The following ZBTB7C variants were observed in gnomAD, a reference collection of about 807,000 sequenced individuals.
ZBTB7C encodes zinc finger and BTB domain containing 7C, also known as zinc finger and BTB domain-containing protein 7C.
A neutral mutation model predicts 25.7 loss-of-function variants in ZBTB7C; 8 were observed. That is an observed-to-expected ratio of 0.31 (90% CI 0.18 to 0.56). ZBTB7C has a LOEUF of 0.56. Ranked by LOEUF, ZBTB7C falls within the 20% of genes least tolerant of loss-of-function variation. The pLI, the probability that ZBTB7C is intolerant of heterozygous loss-of-function variation, is 0.91. For synonymous variants in ZBTB7C, 394 were observed against 369.0 expected, an observed-to-expected ratio of 1.07 and a Z score of -0.78; for missense variants, 824 against 855.2, an observed-to-expected ratio of 0.96 and a Z score of 0.46.
chr18:48,361,211 A>G (rs986991953), intron 1 of ZBTB7C, among the ~76,000 whole-genome samples: 2 of 152,178 alleles, frequency 1.3e-5, no homozygotes, highest in Admixed American at 6.5e-5. Context: ...AGAATACAGA[A>G]CACAACCGCT....
At chr18:48,306,755 T>C (rs2045684289) in intron 2 of ZBTB7C, among the ~76,000 whole-genome samples, 1 of 152,136 alleles carries the variant, frequency 6.6e-6, no homozygotes, top group East Asian at 1.9e-4. Flanking sequence ...TATCCCTCCC[T>C]AGAACGATGC....
Position 48,029,746 on chromosome 18 carries a change from C to T in ZBTB7C, c.1374G>A (p.Thr458=), listed in dbSNP as rs780087545. 1.9e-6 allele frequency: 3 copies of T among 1,607,678 alleles called. No individual in the cohort carries two copies. Among genetic ancestry groups the T allele is most frequent in the East Asian group, 2.2e-5 (1 of 44,874 alleles). Residue 458 remains threonine, a synonymous_variant, in exon 5 of 5, where the codon ACG becomes ACA. Transcript: ENST00000590800. ...TGTGGCGGTGCAGGTGGTCAGAGCG[C>T]GTGAAGCTCTTGTAGCAGAACTCGC... ...YQCEFCYKSF[T]RSDHLHRHIK...
At chr18:48,225,526 T>C (rs2043066252) in intron 2 of ZBTB7C, among the ~76,000 whole-genome samples, 1 of 152,168 alleles carries the variant, frequency 6.6e-6, no homozygotes, top group Admixed American at 6.5e-5. Context: ...ATTCCTTCCA[T>C]CCATATACAC....
intron 1 of ZBTB7C, among the ~76,000 whole-genome samples, chr18:48,388,899 T>A (rs1044751475): frequency 1.3e-5 from 2 of 152,324 alleles, no homozygotes; most frequent in Admixed American, 1.3e-4. Context: ...GACAAAAAGA[T>A]TCCTTAGAAG....
At chr18:48,359,350 A>AG (rs879295054) in intron 1 of ZBTB7C, among the ~76,000 whole-genome samples, 16,917 of 152,184 alleles carry the variant, frequency 0.11, 1,068 homozygotes, top group Non-Finnish European at 0.14. Flanking sequence ...TATGAAGATG[A>AG]TCAAAACATG....
rs983289467 is a variant in ZBTB7C, at chr18:48,309,550, G to A, written c.-79+28624C>T. Among the ~76,000 whole-genome samples the A allele has an allele frequency of 7.9e-5, 12 of 152,180 alleles. No homozygotes were observed. In the East Asian group the frequency reaches 1.5e-3, roughly 20 times the overall value. The stretch of plus-strand genomic sequence containing the variant: ...AGGCTGTCACATGAGCATCTCATTC[G>A]TGAGGGAATTTCACAGACCTATACG... On this transcript the variant is annotated intron_variant, in intron 2 of 4. Coordinates refer to ENST00000590800, the MANE Select transcript of ZBTB7C (RefSeq NM_001318841.2).
intron 3 of ZBTB7C, chr18:48,148,803 C>T (rs959463151): frequency 4.6e-5 from 7 of 152,162 alleles, no homozygotes; most frequent in Non-Finnish European, 8.8e-5. Context: ...TCTTGCTGCA[C>T]TTATGTAAGT....
intron 1 of ZBTB7C, among the ~76,000 whole-genome samples, chr18:48,355,696 G>T (rs1332251558): frequency 6.6e-6 from 1 of 152,206 alleles, no homozygotes; most frequent in Non-Finnish European, 1.5e-5. Context: ...GGCAATCCAT[G>T]TGCTGCCTCA....
chr18:48,391,321 A>G (rs1379265306), intron 1 of ZBTB7C, among the ~76,000 whole-genome samples: 1 of 152,206 alleles, frequency 6.6e-6, no homozygotes, highest in Non-Finnish European at 1.5e-5. Context: ...GAAGTTGTCA[A>G]TGTTACTCTG....
intron 3 of ZBTB7C, among the ~76,000 whole-genome samples, chr18:48,164,843 A>T (rs980276685): frequency 2.0e-5 from 3 of 152,110 alleles, no homozygotes; most frequent in Non-Finnish European, 2.9e-5. Context: ...TAGACATATT[A>T]ACTCATTTAG....
At chr18:48,256,142 T>C (rs1173393020) in intron 2 of ZBTB7C, among the ~76,000 whole-genome samples, 4 of 152,042 alleles carry the variant, frequency 2.6e-5, no homozygotes, top group African/African-American at 7.2e-5. Context: ...AAAAAAACTA[T>C]AAACCCACAG....
At chr18:48,247,988 T>C (rs2043744435) in intron 2 of ZBTB7C, among the ~76,000 whole-genome samples, 1 of 152,168 alleles carries the variant, frequency 6.6e-6, no homozygotes, top group African/African-American at 2.4e-5. Context: ...CCTCGTACTG[T>C]TCTTGTGGTA....
intron 3 of ZBTB7C, among the ~76,000 whole-genome samples, chr18:48,176,616 C>CTGTGTGTGTGTGTGT (rs146025748): frequency 3.3e-5 from 5 of 149,642 alleles, no homozygotes; most frequent in African/African-American, 1.2e-4. Context: ...AGGAAATACA[C>CTGTGTGTGTGTGTGT]GTGTGTGTGT....
At chr18:48,266,945 C>T (rs1327002279) in intron 2 of ZBTB7C, among the ~76,000 whole-genome samples, 1 of 152,056 alleles carries the variant, frequency 6.6e-6, no homozygotes, top group Non-Finnish European at 1.5e-5. Context: ...GACATACATC[C>T]TAGTAGGCTC....
chr18:48,111,663 G>T (rs2039245368), intron 3 of ZBTB7C, among the ~76,000 whole-genome samples: 1 of 152,210 alleles, frequency 6.6e-6, no homozygotes. Context: ...CCCAGAGGCA[G>T]CTTTGCCAAG....
At chr18:48,383,886 C>T (rs1213579731) in intron 1 of ZBTB7C, among the ~76,000 whole-genome samples, 3 of 152,002 alleles carry the variant, frequency 2.0e-5, no homozygotes, top group African/African-American at 7.3e-5. Context: ...GAAGGGAGCT[C>T]TGGAAGCCAG....
chr18:48,230,760 A>G (rs1182544489), intron 2 of ZBTB7C, among the ~76,000 whole-genome samples: 3 of 152,084 alleles, frequency 2.0e-5, no homozygotes, highest in Non-Finnish European at 4.4e-5. Context: ...AGGAAGAGTT[A>G]ACAAACACTG....
Position 48,119,267 on chromosome 18 carries a change from A to G in ZBTB7C, c.-17+66667T>C, listed in dbSNP as rs137896080. On this transcript the variant is annotated intron_variant, in intron 3 of 4. Coordinates refer to ENST00000590800, the MANE Select transcript of ZBTB7C (RefSeq NM_001318841.2). ...TTTGCATCCAGGTTGATGAGATGTA[A>G]AACAATGGCACCTGATCTTCTTAAT... Among the ~76,000 whole-genome samples the G allele has an allele frequency of 3.2e-3, 493 of 152,376 alleles. 1 individual carries two copies. The highest frequency in any genetic ancestry group is 8.5e-3 in the African/African-American group (355 of 41,596).
chr18:48,377,417 GAAGC>G (rs1015156116), intron 1 of ZBTB7C, among the ~76,000 whole-genome samples: 8 of 152,168 alleles, frequency 5.3e-5, no homozygotes, highest in Non-Finnish European at 1.2e-4. Flanking sequence ...GGGGGTGGGA[GAAGC>G]AAGAGAGCAT....
Sources: allele counts gnomAD v4.1 joint callset (sites outside exome capture counted in the v4.1 genomes callset), GRCh38; gene constraint gnomAD v4.1.1; transcripts MANE v1.5; gene names NCBI Gene and HGNC (gene_info 2026-07-23, HGNC 2026-07-21).